The following ESRRG variants were observed in gnomAD, a reference collection of about 807,000 sequenced individuals.
ESRRG encodes estrogen-related receptor gamma.
Under a neutral mutation model 44.0 loss-of-function variants are expected in ESRRG, and 13 were observed. That is an observed-to-expected ratio of 0.30 (90% confidence interval 0.19 to 0.47). ESRRG has a LOEUF of 0.47. Among genes scored for constraint, ESRRG ranks in the 20% least tolerant of loss-of-function variants. The probability of loss-of-function intolerance (pLI) is 1.00; values close to 1 mark genes in which losing one functional copy is unlikely to be tolerated. For synonymous variants in ESRRG, 215 were observed against 214.6 expected (o/e 1.00, Z -0.02); for missense variants, 395 against 580.6 (o/e 0.68, Z 3.29).
rs534696933 is a variant in ESRRG at position 216,506,701 on chromosome 1, A to C, written c.*238T>G. On this transcript the variant is annotated 3_prime_UTR_variant, in exon 7 of 7. Coordinates refer to ENST00000408911, the MANE Select transcript of ESRRG (RefSeq NM_001438.4). ...GTGAAAGAAGAAAAGGAGAAAAAATAAAGAGAAAGAGAAATGTGGGAAGAA... is the reference window on the plus strand; with the variant it reads ...GTGAAAGAAGAAAAGGAGAAAAAATCAAGAGAAAGAGAAATGTGGGAAGAA... 14 of 607,574 alleles carry C rather than the reference A, an allele frequency of 2.3e-5. No homozygotes were observed. The East Asian group carries it at 4.2e-4, about 18-fold the overall frequency. The allele number at this position is 607,574 out of a possible 1,614,324, so 37.6% of individuals were successfully genotyped here.
intron 1 of ESRRG, among the ~76,000 whole-genome samples, chr1:216,943,766 A>C (rs114660782): frequency 6.6e-6 from 1 of 152,174 alleles, no homozygotes; most frequent in Non-Finnish European, 1.5e-5. Flanking sequence ...AAAGATAAAC[A>C]GAAGAAATTC....
intron 1 of ESRRG, among the ~76,000 whole-genome samples, chr1:216,985,050 G>A (rs762882064): frequency 5.3e-5 from 8 of 152,258 alleles, no homozygotes; most frequent in South Asian, 2.1e-4. Context: ...TCAGAATCAC[G>A]GCTGGGTTTG....
chr1:216,911,738 T>A (rs572045056), intron 2 of ESRRG, among the ~76,000 whole-genome samples: 1 of 152,140 alleles, frequency 6.6e-6, no homozygotes, highest in East Asian at 1.9e-4. Flanking sequence ...AATTTTGCTG[T>A]CAACCTAAAA....
At chr1:216,878,743 G>T (rs1344562679) in intron 2 of ESRRG, among the ~76,000 whole-genome samples, 1 of 152,168 alleles carries the variant, frequency 6.6e-6, no homozygotes, top group African/African-American at 2.4e-5. Flanking sequence ...ACTATTGGTT[G>T]CTTGTCTTTT....
At chr1:216,671,596 A>C (rs1284338178) in intron 2 of ESRRG, among the ~76,000 whole-genome samples, 1 of 152,200 alleles carries the variant, frequency 6.6e-6, no homozygotes, top group Non-Finnish European at 1.5e-5. Context: ...AACCCTCATC[A>C]CTTGGGAAAC....
chr1:216,877,955 T>C (rs2096383488), intron 2 of ESRRG, among the ~76,000 whole-genome samples: 2 of 152,132 alleles, frequency 1.3e-5, no homozygotes, highest in South Asian at 2.1e-4. Context: ...ACAAACACCA[T>C]TGCATGTATG....
At chr1:217,126,452 G>A (rs1256668548) in intron 1 of ESRRG, among the ~76,000 whole-genome samples, 1 of 152,146 alleles carries the variant, frequency 6.6e-6, no homozygotes, top group Non-Finnish European at 1.5e-5. Context: ...CAACTGTGCT[G>A]TATACACCCA....
At chr1:217,110,394 C>A (rs897939529) in intron 1 of ESRRG, among the ~76,000 whole-genome samples, 1 of 152,156 alleles carries the variant, frequency 6.6e-6, no homozygotes, top group African/African-American at 2.4e-5. Context: ...ACAACCATAG[C>A]AAACCATTGC....
At chr1:216,844,586 C>CTA (rs199573384) in intron 2 of ESRRG, among the ~76,000 whole-genome samples, 2,935 of 152,212 alleles carry the variant, frequency 0.019, 105 homozygotes, top group African/African-American at 0.068. Context: ...CCATTAAGGC[C>CTA]CTCTGCCTTA....
At chr1:217,117,411 C>A (rs78111241) in intron 1 of ESRRG, among the ~76,000 whole-genome samples, 1 of 151,898 alleles carries the variant, frequency 6.6e-6, no homozygotes, top group Non-Finnish European at 1.5e-5. Context: ...CAGTAAGACC[C>A]CATCTCTACA....
At chr1:216,533,293 A>C (rs2049954338) in intron 5 of ESRRG, among the ~76,000 whole-genome samples, 1 of 152,142 alleles carries the variant, frequency 6.6e-6, no homozygotes. Context: ...GGTATATATT[A>C]GATGTGACAT....
chr1:216,663,239 C>T (rs935740098), intron 2 of ESRRG, among the ~76,000 whole-genome samples: 5 of 152,022 alleles, frequency 3.3e-5, no homozygotes, highest in African/African-American at 7.2e-5. Context: ...AGTGAAGATG[C>T]TCTGGAGGCA....
chr1:216,961,168 AC>A (rs1443415831), intron 1 of ESRRG, among the ~76,000 whole-genome samples: 2 of 152,208 alleles, frequency 1.3e-5, no homozygotes, highest in Admixed American at 1.3e-4. Flanking sequence ...ATCCATGGGA[AC>A]AAGATGAACT....
chr1:216,583,502 C>T (rs1392463790), intron 3 of ESRRG, among the ~76,000 whole-genome samples: 1 of 152,224 alleles, frequency 6.6e-6, no homozygotes, highest in Admixed American at 6.5e-5. Context: ...CCTCATCAGT[C>T]AAGAAGGTTG....
intron 3 of ESRRG, among the ~76,000 whole-genome samples, chr1:216,620,038 T>G (rs1486577572): frequency 6.6e-6 from 1 of 152,100 alleles, no homozygotes; most frequent in Non-Finnish European, 1.5e-5. Flanking sequence ...AAAATCTACA[T>G]AAATACATGT....
At chr1:216,831,795 GGGGCCTGGTCAGAAAT>G (rs6143620) in intron 2 of ESRRG, among the ~76,000 whole-genome samples, 21,207 of 152,120 alleles carry the variant, frequency 0.14, 1,998 homozygotes, top group Non-Finnish European at 0.21. Context: ...TTTCAAATGT[GGGGCCTGGTCAGAAAT>G]GGGGTGAAAA....
rs1210966198 is a variant in ESRRG at position 216,677,169 on chromosome 1, G to C, written c.379C>G (p.Leu127Val). 1 of 1,613,954 alleles carries C rather than the reference G, an allele frequency of 6.2e-7. No individual in the cohort carries two copies. The highest frequency in any genetic ancestry group is 1.3e-5 in the African/African-American group (1 of 74,912). ...GCGATGTCACCACACACTAAACACA[G>C]TCTCTTGGGCATCGAGTTGAGCATG... ...EYMLNSMPKRLCLVCGDIASG... is the reference protein window; with the variant it reads ...EYMLNSMPKRVCLVCGDIASG... Residue 127 changes from leucine (L) to valine (V), a missense_variant, in exon 2 of 7, where the codon CTG becomes GTG. Transcript: ENST00000408911.
At chr1:217,099,067 C>G (rs779908690) in intron 1 of ESRRG, among the ~76,000 whole-genome samples, 7 of 152,170 alleles carry the variant, frequency 4.6e-5, no homozygotes, top group Non-Finnish European at 8.8e-5. Flanking sequence ...TCTTCTATGT[C>G]TGTAAGCTCT....
chr1:216,753,598 G>T (rs189668765), intron 2 of ESRRG, among the ~76,000 whole-genome samples: 1 of 152,040 alleles, frequency 6.6e-6, no homozygotes, highest in African/African-American at 2.4e-5. Context: ...TATCAGAGGT[G>T]CATTTGGGCT....
Sources: allele counts gnomAD v4.1 joint callset (sites outside exome capture counted in the v4.1 genomes callset), GRCh38; gene constraint gnomAD v4.1.1; transcripts MANE v1.5; gene names NCBI Gene and HGNC (gene_info 2026-07-23, HGNC 2026-07-21).